ARHGAP12: variants seen among roughly 807,000 people sequenced by gnomAD.
ARHGAP12 encodes rho GTPase-activating protein 12.
ARHGAP12 carries 64 observed loss-of-function variants against 108.6 expected under a neutral mutation model. That is an observed-to-expected ratio of 0.59 (90% CI 0.48 to 0.73). The LOEUF (loss-of-function observed/expected upper bound fraction) is 0.73. Among genes scored for constraint, ARHGAP12 ranks in the 30% least tolerant of loss-of-function variants. The pLI, the probability that ARHGAP12 is intolerant of heterozygous loss-of-function variation, is 0.00. For missense variants in ARHGAP12, 940 were observed against 1,005.9 expected (o/e 0.93, Z 0.89); for synonymous variants, 312 against 337.2 (o/e 0.93, Z 0.82).
At chr10:31,880,262 G>GA (rs1198464460) in intron 3 of ARHGAP12, among the ~76,000 whole-genome samples, 1 of 152,144 alleles carries the variant, frequency 6.6e-6, no homozygotes, top group Non-Finnish European at 1.5e-5. Context: ...AAACATGAAT[G>GA]AAAAAATGTA....
chr10:31,910,700 T>C (rs906685346), intron 1 of ARHGAP12, 137 bp from the exon 2 acceptor site: 11 of 152,432 alleles, frequency 7.2e-5, no homozygotes, highest in East Asian at 5.8e-4. Flanking sequence ...TACATCAAGA[T>C]TGTGGTCAGC....
At chr10:31,831,019 T>C (rs1835813311) in intron 10 of ARHGAP12, among the ~76,000 whole-genome samples, 1 of 152,220 alleles carries the variant, frequency 6.6e-6, no homozygotes, top group African/African-American at 2.4e-5. Flanking sequence ...ATTCCACTTT[T>C]TGTAAAATTT....
rs371149348 is a variant in ARHGAP12 at position 31,889,402 on chromosome 10, C to CA, written c.684+18769dup. 9.1e-4 allele frequency among the ~76,000 whole-genome samples: 139 copies of CA among 152,022 alleles called. 2 individuals carry two copies. The Middle Eastern group carries it at 0.01, about 11-fold the overall frequency. ...AAGTGACCTTACTTCAGTTTCTGTGCAAAAAAGTACAACACAAAACAAATT... is the reference window on the plus strand; with the variant it reads ...AAGTGACCTTACTTCAGTTTCTGTGCAAAAAAAGTACAACACAAAACAAATT... On this transcript the variant is annotated intron_variant, in intron 3 of 19. Transcript: ENST00000344936.
chr10:31,914,292 C>T (rs1839470691), intron 1 of ARHGAP12, among the ~76,000 whole-genome samples: 1 of 152,002 alleles, frequency 6.6e-6, no homozygotes, highest in Non-Finnish European at 1.5e-5. Context: ...ATAGTAGGTT[C>T]ATAGTTTCAG....
At chr10:31,870,230 CTTT>C (rs567626260) in intron 3 of ARHGAP12, among the ~76,000 whole-genome samples, 2 of 138,238 alleles carry the variant, frequency 1.4e-5, no homozygotes, top group African/African-American at 2.6e-5. Flanking sequence ...TAATTTCTGT[CTTT>C]TTTTTTTTTT....
chr10:31,808,880 TA>T, intron 18 of ARHGAP12, 113 bp downstream of exon 18: 2 of 1,368,732 alleles, frequency 1.5e-6, no homozygotes, highest in South Asian at 1.4e-5. Context: ...ATGTTTGGAG[TA>T]AAACAATCTG....
rs61402251 is a variant in ARHGAP12, at chr10:31,901,534, C to CAAAAAA, written c.684+6632_684+6637dup. On this transcript the variant is annotated intron_variant, in intron 3 of 19. Coordinates refer to ENST00000344936, the MANE Select transcript of ARHGAP12 (RefSeq NM_018287.7). The stretch of plus-strand genomic sequence containing the variant: ...GGGTGACAGAGCAAAAACCTGGTCT[C>CAAAAAA]AAAAAAAAAAAAAAAAAAAAAAAAG... Among the ~76,000 whole-genome samples the CAAAAAA allele has an allele frequency of 5.0e-3, 321 of 64,248 alleles. 7 individuals carry two copies. The highest frequency in any genetic ancestry group is 0.018 in the African/African-American group (296 of 16,808). The allele number at this position is 64,248 out of a possible 152,430, so 42.1% of individuals were successfully genotyped here. A position where few individuals can be genotyped will look rare whatever the true frequency, so the allele number is the denominator to read the frequency against.
intron 4 of ARHGAP12, among the ~76,000 whole-genome samples, chr10:31,860,288 T>C (rs1471019990): frequency 1.3e-5 from 2 of 152,232 alleles, no homozygotes; most frequent in Non-Finnish European, 2.9e-5. Flanking sequence ...ACCTGAAGTT[T>C]GCTTTTATTT....
At position 31,865,719 on chromosome 10, in the gene ARHGAP12, C is replaced by CA. The variant is rs1247170418; in HGVS notation, c.685-4062dup. ...CGAAACCCCATCTCTACTAAAAATACAAAAAAAAATTAGCCCGGCGTGGTG... is the reference window on the plus strand; with the variant it reads ...CGAAACCCCATCTCTACTAAAAATACAAAAAAAAAATTAGCCCGGCGTGGTG... On this transcript the variant is annotated intron_variant, in intron 3 of 19. Coordinates refer to ENST00000344936, the MANE Select transcript of ARHGAP12 (RefSeq NM_018287.7). Among the ~76,000 whole-genome samples the CA allele has an allele frequency of 3.5e-3, 528 of 150,470 alleles. 2 individuals are homozygous for CA. Among genetic ancestry groups the CA allele is most frequent in the African/African-American group, 0.012 (511 of 41,014 alleles).
chr10:31,824,123 C>T (rs751798128), intron 11 of ARHGAP12, among the ~76,000 whole-genome samples: 7 of 152,098 alleles, frequency 4.6e-5, no homozygotes, highest in Non-Finnish European at 8.8e-5. Flanking sequence ...TTAGGCCATT[C>T]AAATTAGTTC....
chr10:31,819,676 G>A (rs776126679), intron 12 of ARHGAP12, among the ~76,000 whole-genome samples: 6 of 152,102 alleles, frequency 3.9e-5, no homozygotes, highest in Non-Finnish European at 7.3e-5. Context: ...AAGATCTTGC[G>A]GACAAGGAGG....
At chr10:31,884,221 A>G (rs1433376207) in intron 3 of ARHGAP12, among the ~76,000 whole-genome samples, 1 of 151,874 alleles carries the variant, frequency 6.6e-6, no homozygotes, top group Non-Finnish European at 1.5e-5. Context: ...TTAGTATTAG[A>G]AAACAAAACT....
intron 11 of ARHGAP12, among the ~76,000 whole-genome samples, chr10:31,824,504 A>G (rs1279541216): frequency 2.6e-5 from 4 of 152,164 alleles, no homozygotes; most frequent in South Asian, 4.1e-4. Flanking sequence ...CTTGGCTGAT[A>G]AACAGAAATA....
rs143150397 is a variant in ARHGAP12 at position 31,893,240 on chromosome 10, T to C, written c.684+14932A>G. ...TCAAAAGCTTGCAGAAGGCAAGAAA[T>C]GACTAAGATCAGAGCAGAACTGAAG... On this transcript the variant is annotated intron_variant, in intron 3 of 19. Transcript: ENST00000344936. 1.5e-3 allele frequency among the ~76,000 whole-genome samples: 229 copies of C among 152,142 alleles called. 2 individuals carry two copies. The East Asian group carries it at 0.026, about 18-fold the overall frequency.
chr10:31,846,719 TCTGGTGTTTATTCAG>T (rs1331200727), intron 6 of ARHGAP12, among the ~76,000 whole-genome samples: 1 of 152,140 alleles, frequency 6.6e-6, no homozygotes, highest in Non-Finnish European at 1.5e-5. Context: ...GTTTACCTTA[TCTGGTGTTTATTCAG>T]CTTCTTGAGT....
chr10:31,927,033 TACAC>T (rs1250649702), intron 1 of ARHGAP12, among the ~76,000 whole-genome samples: 1 of 152,214 alleles, frequency 6.6e-6, no homozygotes, highest in Non-Finnish European at 1.5e-5. Context: ...TAAATATACA[TACAC>T]ACATTATATT....
At chr10:31,896,339 A>T (rs1248608986) in intron 3 of ARHGAP12, among the ~76,000 whole-genome samples, 1 of 151,044 alleles carries the variant, frequency 6.6e-6, no homozygotes, top group Non-Finnish European at 1.5e-5. Context: ...TATGTAACAA[A>T]TGTAAACATT....
chr10:31,838,830 CAAAA>C (rs34471173), intron 9 of ARHGAP12, among the ~76,000 whole-genome samples: 4 of 102,708 alleles, frequency 3.9e-5, no homozygotes, highest in Non-Finnish European at 5.8e-5. Context: ...GGCTCCATCT[CAAAA>C]AAAAAAAAAA....
chr10:31,808,876 G>T, intron 18 of ARHGAP12, 118 bp downstream of exon 18: 2 of 1,371,810 alleles, frequency 1.5e-6, no homozygotes, highest in South Asian at 1.3e-5. Flanking sequence ...TAAAATGTTT[G>T]GAGTAAAACA....
Sources: gnomAD v4.1 joint callset for allele counts (sites outside exome capture counted in the v4.1 genomes callset) on GRCh38, gnomAD v4.1.1 for gene constraint, MANE v1.5 for transcripts, NCBI Gene and HGNC (gene_info 2026-07-23, HGNC 2026-07-21) for gene names.